Variants in WWOX observed in about 807,000 individuals in gnomAD.
WWOX encodes WW domain containing oxidoreductase.
A neutral mutation model predicts 46.2 loss-of-function variants in WWOX; 69 were observed. The ratio of observed to expected loss-of-function variants is 1.49; its 90% CI spans 1.23 to 1.82. The LOEUF (loss-of-function observed/expected upper bound fraction) is 1.82. WWOX is among the 40% of genes most tolerant of loss of function. WWOX has a pLI of 0.00. For synonymous variants in WWOX, 359 were observed against 202.6 expected (o/e 1.77, Z -6.56); for missense variants, 919 against 542.6 (o/e 1.69, Z -6.89).
chr16:78,342,722 G>C lies in WWOX; in HGVS notation c.517-44138G>C, dbSNP rs547115562. ...TATGCATAGACATTTGCACCCCAGG[G>C]ATAGCACCATTACTCCCAAAAATTG... On this transcript the variant is annotated intron_variant, in intron 5 of 8. Transcript: ENST00000566780. 1.1e-3 allele frequency among the ~76,000 whole-genome samples: 134 copies of C among 120,298 alleles called. 25 individuals carry two copies. Among genetic ancestry groups the C allele is most frequent in the African/African-American group, 3.8e-3 (134 of 35,440 alleles). 78.9% of individuals were successfully genotyped at this position (120,298 alleles called of 152,430 possible).
chr16:78,268,738 T>C (rs191288702), intron 5 of WWOX, among the ~76,000 whole-genome samples: 10 of 152,296 alleles, frequency 6.6e-5, no homozygotes, highest in Admixed American at 6.5e-4. Context: ...ATAAATGACT[T>C]CCCCATTTTA....
chr16:78,979,517 G>C (rs747400084), intron 8 of WWOX, among the ~76,000 whole-genome samples: 7 of 152,144 alleles, frequency 4.6e-5, no homozygotes, highest in Non-Finnish European at 8.8e-5. Context: ...GCAGGTGAAA[G>C]GCCCTCACTC....
At chr16:78,445,665 C>T (rs907832022) in intron 8 of WWOX, among the ~76,000 whole-genome samples, 1 of 152,100 alleles carries the variant, frequency 6.6e-6, no homozygotes, top group Non-Finnish European at 1.5e-5. Flanking sequence ...TCACTTGAGG[C>T]CGGGAGTTTG....
chr16:78,774,835 T>A (rs2050150881), intron 8 of WWOX, among the ~76,000 whole-genome samples: 1 of 152,182 alleles, frequency 6.6e-6, no homozygotes, highest in South Asian at 2.1e-4. Context: ...TCCTATCACA[T>A]GCCCATTCTG....
chr16:79,168,388 C>A (rs2050635629), intron 8 of WWOX, among the ~76,000 whole-genome samples: 1 of 152,170 alleles, frequency 6.6e-6, no homozygotes, highest in Admixed American at 6.5e-5. Context: ...AGGCACTAGG[C>A]TTTTCATTAA....
intron 8 of WWOX, among the ~76,000 whole-genome samples, chr16:79,010,916 C>T (rs569572212): frequency 1.9e-4 from 29 of 151,800 alleles, no homozygotes; most frequent in Non-Finnish European, 3.5e-4. Flanking sequence ...TTGTGTGGGA[C>T]CTCGGAGGTC....
intron 8 of WWOX, among the ~76,000 whole-genome samples, chr16:79,154,059 T>A (rs2050333567): frequency 6.6e-6 from 1 of 152,224 alleles, no homozygotes; most frequent in Non-Finnish European, 1.5e-5. Flanking sequence ...TGGCTCCCTT[T>A]GGCCTCCATT....
intron 5 of WWOX, among the ~76,000 whole-genome samples, chr16:78,334,322 A>G (rs1458917594): frequency 6.6e-6 from 1 of 152,190 alleles, no homozygotes; most frequent in Admixed American, 6.5e-5. Context: ...TGCAACATGA[A>G]TCATTTTAAT....
At chr16:78,700,410 C>G (rs1371445395) in intron 8 of WWOX, among the ~76,000 whole-genome samples, 1 of 150,294 alleles carries the variant, frequency 6.7e-6, no homozygotes, top group African/African-American at 2.4e-5. Context: ...CCTTTGTGAC[C>G]TTATTACTTC....
chr16:78,364,551 A>G (rs1006969733), intron 5 of WWOX, among the ~76,000 whole-genome samples: 2 of 128,280 alleles, frequency 1.6e-5, no homozygotes, highest in African/African-American at 2.7e-5. Flanking sequence ...GGGACTCCGG[A>G]AGAAAAAAAA....
At chr16:78,821,914 G>C (rs1445787134) in intron 8 of WWOX, among the ~76,000 whole-genome samples, 1 of 152,110 alleles carries the variant, frequency 6.6e-6, no homozygotes, top group African/African-American at 2.4e-5. Context: ...GAATCTCACT[G>C]TGTTGCTCAG....
At chr16:78,532,982 T>C (rs2043659245) in intron 8 of WWOX, among the ~76,000 whole-genome samples, 1 of 152,132 alleles carries the variant, frequency 6.6e-6, no homozygotes, top group East Asian at 1.9e-4. Context: ...AACAGATGCT[T>C]GGATAGGGCA....
At chr16:78,917,014 A>G (rs2045267143) in intron 8 of WWOX, among the ~76,000 whole-genome samples, 1 of 152,170 alleles carries the variant, frequency 6.6e-6, no homozygotes, top group African/African-American at 2.4e-5. Flanking sequence ...ATTTTGTGAC[A>G]AGCTCACTCC....
At chr16:78,237,892 C>A (rs2037495929) in intron 5 of WWOX, among the ~76,000 whole-genome samples, 1 of 152,098 alleles carries the variant, frequency 6.6e-6, no homozygotes, top group Non-Finnish European at 1.5e-5. Flanking sequence ...TAGCCCTTTA[C>A]AAAAAAAGTT....
At chr16:78,684,918 C>G (rs975789802) in intron 8 of WWOX, among the ~76,000 whole-genome samples, 1 of 152,174 alleles carries the variant, frequency 6.6e-6, no homozygotes, top group African/African-American at 2.4e-5. Context: ...GTATCAGAAA[C>G]TAGTGAACAC....
intron 4 of WWOX, among the ~76,000 whole-genome samples, chr16:78,136,026 G>C (rs1463012427): frequency 6.6e-6 from 1 of 152,074 alleles, no homozygotes; most frequent in African/African-American, 2.4e-5. Context: ...GCTGGAAATG[G>C]CATCCGATTT....
chr16:78,502,587 G>T (rs1184442905), intron 8 of WWOX, among the ~76,000 whole-genome samples: 1 of 152,168 alleles, frequency 6.6e-6, no homozygotes, highest in Non-Finnish European at 1.5e-5. Flanking sequence ...CCATTCATTA[G>T]TTCATGGATT....
chr16:79,142,379 C>G (rs934192862), intron 8 of WWOX, among the ~76,000 whole-genome samples: 1 of 152,182 alleles, frequency 6.6e-6, no homozygotes, highest in African/African-American at 2.4e-5. Flanking sequence ...TTACCCATCT[C>G]CCATGTTTAG....
chr16:78,272,055 G>C (rs369291107), intron 5 of WWOX, among the ~76,000 whole-genome samples: 32 of 152,336 alleles, frequency 2.1e-4, no homozygotes, highest in South Asian at 1.2e-3. Context: ...AAACGTGGAT[G>C]TTCCAATTTA....
Sources: allele counts gnomAD v4.1 joint callset (sites outside exome capture counted in the v4.1 genomes callset), GRCh38; gene constraint gnomAD v4.1.1; transcripts MANE v1.5; gene names NCBI Gene and HGNC (gene_info 2026-07-23, HGNC 2026-07-21).